Variants in SLC2A13 observed in about 807,000 individuals in gnomAD.
The protein encoded by SLC2A13 is proton myo-inositol cotransporter.
Under a neutral mutation model 64.4 loss-of-function variants are expected in SLC2A13, and 32 were observed. The ratio of observed to expected loss-of-function variants is 0.50; its 90% confidence interval spans 0.37 to 0.67. The LOEUF (loss-of-function observed/expected upper bound fraction) is 0.67, where lower values mean the gene tolerates loss of function less well. SLC2A13 is among the 30% of genes least tolerant of loss of function. The pLI is 0.00. For synonymous variants in SLC2A13, 338 were observed against 327.1 expected, an observed-to-expected ratio of 1.03 and a Z score of -0.36; for missense variants, 743 against 829.2, an observed-to-expected ratio of 0.90 and a Z score of 1.28.
intron 4 of SLC2A13, among the ~76,000 whole-genome samples, chr12:39,896,888 G>A (rs998575281): frequency 2.0e-5 from 3 of 152,076 alleles, no homozygotes; most frequent in Non-Finnish European, 4.4e-5. Flanking sequence ...GTGAAAACAC[G>A]TGTCCTTTTC....
chr12:40,008,615 A>G (rs75219244), intron 3 of SLC2A13, among the ~76,000 whole-genome samples: 1 of 145,882 alleles, frequency 6.9e-6, no homozygotes, highest in Non-Finnish European at 1.5e-5. Flanking sequence ...CGTCACTCCA[A>G]AAAAAAAAAA....
At chr12:39,825,292 G>C (rs1942639199) in intron 7 of SLC2A13, among the ~76,000 whole-genome samples, 1 of 152,030 alleles carries the variant, frequency 6.6e-6, no homozygotes, top group Non-Finnish European at 1.5e-5. Flanking sequence ...TAGGGAGGCG[G>C]ATAAATAGAC....
At chr12:39,942,162 T>C (rs534436778) in intron 4 of SLC2A13, among the ~76,000 whole-genome samples, 47 of 152,348 alleles carry the variant, frequency 3.1e-4, no homozygotes, top group African/African-American at 1.0e-3. Context: ...AGATTTGTTC[T>C]TTTTGCTTAG....
intron 5 of SLC2A13, among the ~76,000 whole-genome samples, chr12:39,866,815 T>C (rs1049222481): frequency 5.9e-5 from 9 of 152,324 alleles, no homozygotes; most frequent in East Asian, 3.9e-4. Flanking sequence ...TTAGTTATTA[T>C]GCTATGATTA....
chr12:39,899,374 CTTCT>C (rs1250486172), intron 4 of SLC2A13, among the ~76,000 whole-genome samples: 4 of 152,002 alleles, frequency 2.6e-5, no homozygotes, highest in Non-Finnish European at 5.9e-5. Context: ...CCTCTCTTTT[CTTCT>C]TTATTAGTCT....
At chr12:39,994,981 G>A (rs1947203155) in intron 3 of SLC2A13, among the ~76,000 whole-genome samples, 1 of 152,150 alleles carries the variant, frequency 6.6e-6, no homozygotes, top group African/African-American at 2.4e-5. Flanking sequence ...AAACATTAAT[G>A]GATAAGTGTC....
At chr12:39,851,435 T>A (rs542265409) in intron 6 of SLC2A13, among the ~76,000 whole-genome samples, 1 of 152,168 alleles carries the variant, frequency 6.6e-6, no homozygotes, top group Non-Finnish European at 1.5e-5. Flanking sequence ...ACTTTATATA[T>A]TGATAATTAT....
In SLC2A13 at chr12:39,937,006, C is replaced by G. The variant is rs190661832; in HGVS notation, c.1034+14251G>C. ...GTAGAGTTGCAAGCCAAGACTTGGACAGCACCACCATTACGGTTCAAATTG... is the reference window on the plus strand; with the variant it reads ...GTAGAGTTGCAAGCCAAGACTTGGAGAGCACCACCATTACGGTTCAAATTG... On this transcript the variant is annotated intron_variant, in intron 4 of 9. Transcript: ENST00000280871. 8.5e-5 allele frequency among the ~76,000 whole-genome samples: 13 copies of G among 152,214 alleles called. 1 individual carries two copies. Among genetic ancestry groups the G allele is most frequent in the Admixed American group, 7.2e-4 (11 of 15,266 alleles).
chr12:40,055,068 T>A (rs1413039201), intron 1 of SLC2A13, among the ~76,000 whole-genome samples: 3 of 152,230 alleles, frequency 2.0e-5, no homozygotes, highest in Non-Finnish European at 4.4e-5. Flanking sequence ...GCTGTCTTGC[T>A]CAGGGCTGAT....
intron 7 of SLC2A13, among the ~76,000 whole-genome samples, chr12:39,826,005 T>G (rs1942662492): frequency 6.6e-6 from 1 of 152,156 alleles, no homozygotes; most frequent in African/African-American, 2.4e-5. Context: ...TATCTTTCTG[T>G]TGTTTTGTAG....
At chr12:39,781,004 G>A (rs1337508588) in intron 7 of SLC2A13, among the ~76,000 whole-genome samples, 1 of 152,158 alleles carries the variant, frequency 6.6e-6, no homozygotes, top group Non-Finnish European at 1.5e-5. Flanking sequence ...ACTATAAACT[G>A]TAAGGCAGTT....
intron 4 of SLC2A13, among the ~76,000 whole-genome samples, chr12:39,896,570 A>G (rs964857888): frequency 8.7e-6 from 1 of 114,980 alleles, no homozygotes; most frequent in African/African-American, 3.2e-5. Context: ...ACATATATGT[A>G]TGTATGTGTG....
chr12:39,782,386 G>T (rs1260186562), intron 7 of SLC2A13, among the ~76,000 whole-genome samples: 2 of 152,120 alleles, frequency 1.3e-5, no homozygotes, highest in Admixed American at 1.3e-4. Context: ...GTGAGTAAGT[G>T]TCACGAAATC....
chr12:39,870,116 G>T (rs558647695), intron 5 of SLC2A13, among the ~76,000 whole-genome samples: 18 of 152,254 alleles, frequency 1.2e-4, no homozygotes, highest in African/African-American at 3.8e-4. Context: ...ACGAACACAG[G>T]TTGCTAGAAA....
chr12:40,002,251 G>GT (rs577755469), intron 3 of SLC2A13, among the ~76,000 whole-genome samples: 205 of 152,324 alleles, frequency 1.3e-3, no homozygotes, highest in African/African-American at 4.8e-3. Context: ...TTATCCTATA[G>GT]TGGGTACTTT....
chr12:39,783,691 T>G (rs1218319675), intron 7 of SLC2A13, among the ~76,000 whole-genome samples: 1 of 152,218 alleles, frequency 6.6e-6, no homozygotes, highest in Non-Finnish European at 1.5e-5. Flanking sequence ...TCTGTTCATA[T>G]CCTTTGCCCA....
intron 1 of SLC2A13, among the ~76,000 whole-genome samples, chr12:40,061,577 G>A (rs906600410): frequency 1.3e-5 from 2 of 152,100 alleles, no homozygotes; most frequent in African/African-American, 4.8e-5. Context: ...AAGTAATCTA[G>A]AGATGATTTA....
At chr12:40,077,135 T>C (rs999551880) in intron 1 of SLC2A13, among the ~76,000 whole-genome samples, 1 of 152,212 alleles carries the variant, frequency 6.6e-6, no homozygotes, top group Non-Finnish European at 1.5e-5. Flanking sequence ...TATTTTGCTA[T>C]GTAGAAGCTC....
intron 7 of SLC2A13, among the ~76,000 whole-genome samples, chr12:39,768,519 A>C (rs78725953): frequency 0.047 from 7,164 of 152,156 alleles, 589 homozygotes; most frequent in African/African-American, 0.16. Context: ...TCGTGCTACT[A>C]TTCCTATCAC....
Sources: gnomAD v4.1 joint callset for allele counts (sites outside exome capture counted in the v4.1 genomes callset) on GRCh38, gnomAD v4.1.1 for gene constraint, MANE v1.5 for transcripts, NCBI Gene and HGNC (gene_info 2026-07-23, HGNC 2026-07-21) for gene names.